Variants in ARHGEF4 observed in about 807,000 individuals in gnomAD.
The protein encoded by ARHGEF4 is Rho guanine nucleotide exchange factor 4.
A neutral mutation model predicts 162.0 loss-of-function variants in ARHGEF4; 119 were observed. The ratio of observed to expected loss-of-function variants is 0.73; its 90% CI spans 0.63 to 0.86. ARHGEF4 has a LOEUF of 0.86. ARHGEF4 is among the 40% of genes least tolerant of loss of function. The pLI is 0.00. For missense variants in ARHGEF4, 2,488 were observed against 2,456.0 expected, an observed-to-expected ratio of 1.01 and a Z score of -0.28; for synonymous variants, 1,014 against 979.9, an observed-to-expected ratio of 1.03 and a Z score of -0.65.
intron 3 of ARHGEF4, among the ~76,000 whole-genome samples, chr2:130,935,758 A>T (rs1403349851): frequency 6.6e-6 from 1 of 152,184 alleles, no homozygotes; most frequent in Non-Finnish European, 1.5e-5. Context: ...AAGATACTTC[A>T]TATGAATTCA....
intron 4 of ARHGEF4, among the ~76,000 whole-genome samples, chr2:130,958,425 G>A (rs1327125649): frequency 1.3e-5 from 2 of 151,470 alleles, no homozygotes; most frequent in Non-Finnish European, 2.9e-5. Flanking sequence ...GAGGCGGTGG[G>A]AGGCAACGCA....
At chr2:130,893,382 G>A (rs1392975045) in intron 1 of ARHGEF4, among the ~76,000 whole-genome samples, 1 of 152,078 alleles carries the variant, frequency 6.6e-6, no homozygotes, top group Non-Finnish European at 1.5e-5. Context: ...TCATTACCTA[G>A]CACAGCACCT....
At chr2:130,906,792 G>T (rs1160559650) in intron 1 of ARHGEF4, among the ~76,000 whole-genome samples, 3 of 152,162 alleles carry the variant, frequency 2.0e-5, no homozygotes, top group Admixed American at 2.0e-4. Context: ...ACCCCTGTCA[G>T]CATGGCTATA....
chr2:131,000,793 G>A (rs573905717), intron 4 of ARHGEF4, among the ~76,000 whole-genome samples: 13 of 152,092 alleles, frequency 8.5e-5, no homozygotes, highest in African/African-American at 2.9e-4. Context: ...AAAATAAGTA[G>A]AGAAAGGCAA....
At chr2:130,938,212 G>C (rs1444919909) in intron 3 of ARHGEF4, among the ~76,000 whole-genome samples, 1 of 152,150 alleles carries the variant, frequency 6.6e-6, no homozygotes, top group African/African-American at 2.4e-5. Flanking sequence ...TGGGTCATAT[G>C]ATAGTTGTCT....
Position 130,915,646 on chromosome 2 carries a change from C to T in ARHGEF4, c.1700C>T (p.Ala567Val), listed in dbSNP as rs1286734130. 3.9e-6 allele frequency: 6 copies of T among 1,550,356 alleles called. No homozygotes were observed. In the African/African-American group the frequency reaches 5.5e-5, roughly 14 times the overall value. The change falls in exon 2 of 14, where the codon GCA becomes GTA. Residue 567 changes from alanine to valine, a missense_variant. Physicochemically the swap from Ala to Val is moderately conservative, Grantham distance 64. Around this residue, in one of 6 missense-constraint regions of ARHGEF4, gnomAD observed 1,642 missense variants for 1,481.5 expected, o/e 1.11. Coordinates refer to ENST00000409359, the MANE Select transcript of ARHGEF4 (RefSeq NM_001367493.1). ...TCAAGCGCAATAGACACTTCAAAGG[C>T]AGCCGAAGAAGCCATGGTTCTAGAC... ...QKSSAIDTSK[A>V]AEEAMVLDPN...
intron 4 of ARHGEF4, among the ~76,000 whole-genome samples, chr2:130,971,962 G>A (rs532489288): frequency 1.3e-4 from 20 of 152,276 alleles, no homozygotes; most frequent in African/African-American, 4.8e-4. Context: ...AGTGCTGGGG[G>A]CCCCATAAGC....
At chr2:130,913,785 C>T (rs570140581) in intron 1 of ARHGEF4, among the ~76,000 whole-genome samples, 1 of 152,326 alleles carries the variant, frequency 6.6e-6, no homozygotes, top group African/African-American at 2.4e-5. Flanking sequence ...TTTCTCCCTA[C>T]TGATTGGGTT....
chr2:130,840,179 C>G (rs1434453839), intron 1 of ARHGEF4, among the ~76,000 whole-genome samples: 1 of 152,054 alleles, frequency 6.6e-6, no homozygotes, highest in Non-Finnish European at 1.5e-5. Context: ...ACACTTGGGA[C>G]ACACAGGCAC....
intron 1 of ARHGEF4, among the ~76,000 whole-genome samples, chr2:130,880,011 T>C (rs920236220): frequency 6.6e-6 from 1 of 152,184 alleles, no homozygotes; most frequent in African/African-American, 2.4e-5. Flanking sequence ...GGCCCTTCCT[T>C]GGGTCGAGTC....
At position 131,035,787 on chromosome 2, in the gene ARHGEF4, C is replaced by G. The variant is rs572260698; in HGVS notation, c.4126-3066C>G. 1.0e-4 allele frequency: 100 copies of G among 985,496 alleles called. 1 individual carries two copies. Among genetic ancestry groups the G allele is most frequent in the Non-Finnish European group, 2.4e-6 (2 of 829,966 alleles). The allele number at this position is 985,496 out of a possible 1,614,324, so 61.0% of individuals were successfully genotyped here. A position where few individuals can be genotyped will look rare whatever the true frequency, so the allele number is the denominator to read the frequency against. ...CGTGGGCCCTCTGAAGCCCCCACCCCTGCTGCACAAACTGCGGGTGTTCAC... is the reference window on the plus strand; with the variant it reads ...CGTGGGCCCTCTGAAGCCCCCACCCGTGCTGCACAAACTGCGGGTGTTCAC... On this transcript the variant is annotated intron_variant, in intron 5 of 13. Transcript: ENST00000409359.
At chr2:130,896,346 AG>A (rs1680156965) in intron 1 of ARHGEF4, among the ~76,000 whole-genome samples, 1 of 152,172 alleles carries the variant, frequency 6.6e-6, no homozygotes, top group Non-Finnish European at 1.5e-5. Flanking sequence ...TAGGGTAGAC[AG>A]GGAGAGCCTC....
chr2:131,035,299 C>T, intron 5 of ARHGEF4: 1 of 1,194,374 alleles, frequency 8.4e-7, no homozygotes, highest in Non-Finnish European at 1.0e-6. Context: ...GTGAGTGGCG[C>T]GGGCGACGGC....
rs1030917716 is a variant in ARHGEF4 at position 130,969,385 on chromosome 2, C to A, written c.3985+22750C>A. Among the ~76,000 whole-genome samples the A allele has an allele frequency of 2.6e-5, 4 of 152,164 alleles. No individual in the cohort carries two copies. In the East Asian group the frequency reaches 5.8e-4, roughly 22 times the overall value. ...GGCCGAGGCAGGTGGATCACAAGAT[C>A]AGGAGAGCGAGACCATCCTGGCTAA... On this transcript the variant is annotated intron_variant, in intron 4 of 13. Transcript: ENST00000409359.
In ARHGEF4 at chr2:131,045,454, G is replaced by A. The variant is rs747917731; in HGVS notation, c.5479+8G>A. The A allele has an allele frequency of 4.3e-6, 7 of 1,613,420 alleles. No homozygotes were observed. In the South Asian group the frequency reaches 7.7e-5, roughly 18 times the overall value. On this transcript the variant is annotated splice_region_variant and intron_variant, in intron 13 of 13. Transcript: ENST00000409359. The stretch of plus-strand genomic sequence containing the variant: ...TCACAGGGAAGCCCAAAGGTAGGCG[G>A]ACAGCAGCCCCACCTCCTCGGCTGC...
intron 1 of ARHGEF4, among the ~76,000 whole-genome samples, chr2:130,849,058 C>A (rs1205605592): frequency 6.6e-6 from 1 of 152,128 alleles, no homozygotes; most frequent in African/African-American, 2.4e-5. Flanking sequence ...TCCCCTGCTG[C>A]CCCCCTCCTC....
intron 4 of ARHGEF4, among the ~76,000 whole-genome samples, chr2:131,008,351 AC>A (rs200316962): frequency 0.012 from 1,844 of 152,276 alleles, 41 homozygotes; most frequent in African/African-American, 0.043. Flanking sequence ...TCTTTGTAAA[AC>A]TTTTCTTGAA....
chr2:130,992,802 G>T (rs552450928), intron 4 of ARHGEF4, among the ~76,000 whole-genome samples: 1 of 152,170 alleles, frequency 6.6e-6, no homozygotes, highest in Admixed American at 6.5e-5. Flanking sequence ...TACAGACATC[G>T]GCCAGGTTCA....
intron 3 of ARHGEF4, among the ~76,000 whole-genome samples, chr2:130,931,524 C>G (rs1348794326): frequency 6.6e-6 from 1 of 152,232 alleles, no homozygotes; most frequent in Admixed American, 6.5e-5. Context: ...TGCCTGTGGC[C>G]AGCTCCATGC....
Sources: gnomAD v4.1 joint callset for allele counts (sites outside exome capture counted in the v4.1 genomes callset) on GRCh38, gnomAD v4.1.1 for gene constraint, gnomAD v4.1.1 regional missense constraint, MANE v1.5 for transcripts, NCBI Gene and HGNC (gene_info 2026-07-23, HGNC 2026-07-21) for gene names.